The following PRKCQ variants were observed in gnomAD, a reference collection of about 807,000 sequenced individuals.
The protein encoded by PRKCQ is protein kinase C theta.
In PRKCQ, 41 loss-of-function variants were observed where a neutral mutation model predicts 91.2. The ratio of observed to expected loss-of-function variants is 0.45; its 90% CI spans 0.35 to 0.58. The LOEUF (loss-of-function observed/expected upper bound fraction) is 0.58. Ranked by LOEUF, PRKCQ falls within the 20% of genes least tolerant of loss-of-function variation. PRKCQ has a pLI of 0.00. For synonymous variants in PRKCQ, 307 were observed against 316.9 expected (o/e 0.97, Z 0.33); for missense variants, 673 against 896.5 (o/e 0.75, Z 3.18).
chr10:6,575,249 G>C (rs1048022645), intron 1 of PRKCQ, among the ~76,000 whole-genome samples: 1 of 152,186 alleles, frequency 6.6e-6, no homozygotes, highest in African/African-American at 2.4e-5. Context: ...TGTGTGATCT[G>C]AGGCTTGCAA....
chr10:6,402,457 A>T, the PRKCQ span, among the ~76,000 whole-genome samples: 1 of 149,986 alleles, frequency 6.7e-6, no homozygotes. Context: ...GAAGCACTGT[A>T]CCCAACATGA....
intron 1 of PRKCQ, among the ~76,000 whole-genome samples, chr10:6,572,908 A>AT (rs930486365): frequency 5.3e-5 from 8 of 151,406 alleles, no homozygotes; most frequent in South Asian, 2.1e-4. Context: ...TTGTTTCTTG[A>AT]TTTTTTAATA....
chr10:6,490,794 G>A lies in PRKCQ; in HGVS notation c.790+889C>T, dbSNP rs116898846. Among the ~76,000 whole-genome samples the A allele has an allele frequency of 1.6e-4, 24 of 152,010 alleles. No individual in the cohort carries two copies. In the East Asian group the frequency reaches 4.1e-3, roughly 26 times the overall value. The stretch of plus-strand genomic sequence containing the variant: ...AGAAGAAAAAAATCAGAAGCTGTCT[G>A]TATGCAACAGGTGGTTCTCCTTTTG... On this transcript the variant is annotated intron_variant, in intron 8 of 17. Transcript: ENST00000263125.
At chr10:6,516,789 G>A (rs900268957) in intron 1 of PRKCQ, among the ~76,000 whole-genome samples, 19 of 152,186 alleles carry the variant, frequency 1.2e-4, no homozygotes, top group Admixed American at 8.5e-4. Flanking sequence ...TTCTAATCAG[G>A]CAACAGTAGC....
chr10:6,458,095 T>C (rs552322060), intron 14 of PRKCQ, among the ~76,000 whole-genome samples: 5 of 152,320 alleles, frequency 3.3e-5, no homozygotes, highest in African/African-American at 1.2e-4. Flanking sequence ...TCGCCATGCC[T>C]GGCTAATTTT....
At chr10:6,521,746 C>T (rs898871283) in intron 1 of PRKCQ, among the ~76,000 whole-genome samples, 1 of 152,120 alleles carries the variant, frequency 6.6e-6, no homozygotes, top group African/African-American at 2.4e-5. Flanking sequence ...CCACAAAACC[C>T]TCCATCTATC....
chr10:6,552,013 C>T (rs1038495820), intron 1 of PRKCQ, among the ~76,000 whole-genome samples: 3 of 152,172 alleles, frequency 2.0e-5, no homozygotes, highest in Non-Finnish European at 4.4e-5. Context: ...AATAGCCATT[C>T]GGACTGGTGT....
intron 8 of PRKCQ, among the ~76,000 whole-genome samples, chr10:6,486,436 C>T (rs1053977257): frequency 2.6e-5 from 4 of 152,228 alleles, no homozygotes; most frequent in Non-Finnish European, 5.9e-5. Flanking sequence ...CACCTGCGTG[C>T]CATGTCAGTT....
At chr10:6,477,984 T>C (rs1836361162) in intron 12 of PRKCQ, among the ~76,000 whole-genome samples, 1 of 152,172 alleles carries the variant, frequency 6.6e-6, no homozygotes. Context: ...TGCTAATTAG[T>C]GCGGGTGGTG....
chr10:6,472,030 C>T lies in PRKCQ; in HGVS notation c.1353+6962G>A, dbSNP rs115394680. On this transcript the variant is annotated intron_variant, in intron 12 of 17. Transcript: ENST00000263125. ...GCTTAAAAAGTGGGCGTGTAGGGGC[C>T]GGGCGCGGTGGCTCACGCCCGTAAT... 5.4e-3 allele frequency among the ~76,000 whole-genome samples: 817 copies of T among 151,720 alleles called. 7 individuals carry two copies. The highest frequency in any genetic ancestry group is 0.018 in the African/African-American group (763 of 41,372).
chr10:6,544,365 C>A (rs1416318006), intron 1 of PRKCQ, among the ~76,000 whole-genome samples: 2 of 152,142 alleles, frequency 1.3e-5, no homozygotes, highest in African/African-American at 4.8e-5. Flanking sequence ...GTCACACTGT[C>A]AACTGAAGAA....
chr10:6,432,573 G>T (rs140156472), intron 16 of PRKCQ, among the ~76,000 whole-genome samples: 1 of 152,228 alleles, frequency 6.6e-6, no homozygotes, highest in African/African-American at 2.4e-5. Context: ...GCCACTGCAC[G>T]GTGGAAATAA....
chr10:6,580,511 T>G (rs1841442483), upstream of PRKCQ: 1 of 152,310 alleles, frequency 6.6e-6, no homozygotes, highest in Non-Finnish European at 1.5e-5. Flanking sequence ...CAGCCACTTG[T>G]CGCCCAGCTG....
chr10:6,515,190 T>C, intron 1 of PRKCQ, 46 bp from the exon 2 acceptor site: 17 of 1,608,120 alleles, frequency 1.1e-5, no homozygotes, highest in Non-Finnish European at 1.4e-5. Flanking sequence ...CTATAAAAGA[T>C]ATTATTTTTG....
At chr10:6,437,249 T>C (rs1256128645) in intron 16 of PRKCQ, among the ~76,000 whole-genome samples, 1 of 152,156 alleles carries the variant, frequency 6.6e-6, no homozygotes, top group Non-Finnish European at 1.5e-5. Context: ...ATGGAGATAA[T>C]TCGGGTTAAA....
At chr10:6,478,615 G>A (rs374968152) in intron 12 of PRKCQ, among the ~76,000 whole-genome samples, 16 of 152,268 alleles carry the variant, frequency 1.1e-4, no homozygotes, top group African/African-American at 2.9e-4. Context: ...AATAGTGTAC[G>A]TGCGTTTTGA....
intron 13 of PRKCQ, among the ~76,000 whole-genome samples, chr10:6,463,998 G>C (rs1835497785): frequency 6.6e-6 from 1 of 152,200 alleles, no homozygotes; most frequent in African/African-American, 2.4e-5. Flanking sequence ...CCACCCTTGA[G>C]GTCTGCAGTC....
the PRKCQ span, among the ~76,000 whole-genome samples, chr10:6,417,380 C>T: frequency 6.6e-6 from 1 of 152,122 alleles, no homozygotes; most frequent in Non-Finnish European, 1.5e-5. Context: ...TGGAAAAAAA[C>T]CAAACCAAAA....
intron 1 of PRKCQ, among the ~76,000 whole-genome samples, chr10:6,538,415 G>A (rs568699433): frequency 6.6e-6 from 1 of 152,238 alleles, no homozygotes; most frequent in African/African-American, 2.4e-5. Context: ...AGAGAGAGAG[G>A]AAACGTTTTA....
Sources: allele counts gnomAD v4.1 joint callset (sites outside exome capture counted in the v4.1 genomes callset), GRCh38; gene constraint gnomAD v4.1.1; transcripts MANE v1.5; gene names NCBI Gene and HGNC (gene_info 2026-07-23, HGNC 2026-07-21).